The following EBF3 variants were observed in gnomAD, a reference collection of about 807,000 sequenced individuals.
EBF3 encodes the protein transcription factor COE3.
A neutral mutation model predicts 77.1 loss-of-function variants in EBF3; 18 were observed. That is an observed-to-expected ratio of 0.23 (90% CI 0.16 to 0.35). The LOEUF (loss-of-function observed/expected upper bound fraction) is 0.35. EBF3 is among the 10% of genes least tolerant of loss of function. The probability of loss-of-function intolerance (pLI) is 1.00; values close to 1 mark genes in which losing one functional copy is unlikely to be tolerated. For synonymous variants in EBF3, 350 were observed against 343.5 expected, an observed-to-expected ratio of 1.02 and a Z score of -0.21; for missense variants, 558 against 860.0, an observed-to-expected ratio of 0.65 and a Z score of 4.39.
At chr10:129,891,961 A>G (rs966301929) in intron 6 of EBF3, among the ~76,000 whole-genome samples, 5 of 152,312 alleles carry the variant, frequency 3.3e-5, no homozygotes, top group African/African-American at 1.2e-4. Context: ...ACCCGTCCCA[A>G]TCTCAAACCT....
chr10:129,854,546 C>T (rs1376071923), intron 10 of EBF3, among the ~76,000 whole-genome samples: 2 of 152,134 alleles, frequency 1.3e-5, no homozygotes, highest in Non-Finnish European at 2.9e-5. Context: ...TGTAATACCC[C>T]GCTTCTTAAG....
At chr10:129,886,647 G>A (rs1853607939) in intron 6 of EBF3, among the ~76,000 whole-genome samples, 3 of 152,234 alleles carry the variant, frequency 2.0e-5, no homozygotes, top group South Asian at 4.2e-4. Context: ...TGGTATGTGG[G>A]AATTTTTTTT....
Position 129,964,212 on chromosome 10 carries a change from G to C in EBF3, c.-444C>G. On this transcript the variant is annotated 5_prime_UTR_variant, in exon 1 of 17. Coordinates refer to ENST00000440978, the MANE Select transcript of EBF3 (RefSeq NM_001375380.1). This position sits in a 1 kb window ranked among gnomAD's most constrained non-coding sequence, Gnocchi z 4.5. ...CCGGGCGCAGGCGGGGCGCGGCGGG[G>C]CCTGGAGCGGCGCGCGCAGCGGACG... is the stretch of plus-strand genomic sequence containing the variant. 1.0e-6 allele frequency: 1 copy of C among 985,024 alleles called. No homozygotes were observed. The highest frequency in any genetic ancestry group is 1.7e-5 in the African/African-American group (1 of 57,308). 61.0% of individuals were successfully genotyped at this position (985,024 alleles called of 1,614,324 possible). A position where few individuals can be genotyped will look rare whatever the true frequency, so the allele number is the denominator to read the frequency against.
intron 11 of EBF3, among the ~76,000 whole-genome samples, chr10:129,845,137 T>G (rs1850362416): frequency 6.6e-6 from 1 of 152,236 alleles, no homozygotes; most frequent in African/African-American, 2.4e-5. Context: ...CCCGACTTTC[T>G]GAGCTGCTCT....
At chr10:129,911,750 A>G (rs1208379037) in intron 6 of EBF3, among the ~76,000 whole-genome samples, 1 of 152,076 alleles carries the variant, frequency 6.6e-6, no homozygotes, top group African/African-American at 2.4e-5. Flanking sequence ...CATAGTTGAT[A>G]TGGGGGAAAT....
chr10:129,838,954 G>A, intron 16 of EBF3, 129 bp downstream of exon 16: 1 of 880,708 alleles, frequency 1.1e-6, no homozygotes, highest in Non-Finnish European at 1.6e-6. Context: ...CTCACCACCT[G>A]CCTCTGCAAC....
At chr10:129,869,319 C>T (rs1418253304) in intron 8 of EBF3, among the ~76,000 whole-genome samples, 1 of 152,190 alleles carries the variant, frequency 6.6e-6, no homozygotes, top group Non-Finnish European at 1.5e-5. Flanking sequence ...TCACAGCAAC[C>T]TCGAGGGCTA....
At chr10:129,867,711 C>G in intron 9 of EBF3, 71 bp downstream of exon 9, 2 of 1,592,088 alleles carry the variant, frequency 1.3e-6, no homozygotes, top group Non-Finnish European at 1.7e-6. Flanking sequence ...TGTCAATACA[C>G]TATTGACAGC....
chr10:129,959,396 G>A (rs534185471), intron 4 of EBF3, among the ~76,000 whole-genome samples: 1 of 152,150 alleles, frequency 6.6e-6, no homozygotes, highest in East Asian at 1.9e-4. Flanking sequence ...ATTCCGCGCC[G>A]CCGCCAGGCC....
intron 4 of EBF3, among the ~76,000 whole-genome samples, chr10:129,960,991 T>C (rs1859473260): frequency 6.6e-6 from 1 of 152,198 alleles, no homozygotes; most frequent in Non-Finnish European, 1.5e-5. Context: ...GTCAGATCTG[T>C]TTTACTCTAA....
rs932920144 is a variant in EBF3 at position 129,835,859 on chromosome 10, A to C, written c.*2084T>G. 5.2e-5 allele frequency: 8 copies of C among 152,458 alleles called. No individual in the cohort carries two copies. The highest frequency in any genetic ancestry group is 3.4e-3 in the Middle Eastern group (1 of 294). 9.4% of individuals were successfully genotyped at this position (152,458 alleles called of 1,614,324 possible). A position where few individuals can be genotyped will look rare whatever the true frequency, so the allele number is the denominator to read the frequency against. ...GTGCAAAGGAGAAAGAAAAAAAAAA[A>C]AACACCTGACACTTTTGGTCTCACT... is the stretch of plus-strand genomic sequence containing the variant. On this transcript the variant is annotated 3_prime_UTR_variant, in exon 17 of 17. Coordinates refer to ENST00000440978, the MANE Select transcript of EBF3 (RefSeq NM_001375380.1).
chr10:129,928,312 A>G (rs1281345604), intron 6 of EBF3, among the ~76,000 whole-genome samples: 1 of 152,244 alleles, frequency 6.6e-6, no homozygotes, highest in Non-Finnish European at 1.5e-5. Flanking sequence ...CGCCAGCCAG[A>G]GCTAACCACA....
At chr10:129,852,914 C>T (rs751715151) in intron 10 of EBF3, among the ~76,000 whole-genome samples, 10 of 152,180 alleles carry the variant, frequency 6.6e-5, no homozygotes, top group African/African-American at 1.2e-4. Flanking sequence ...GAGCAGCAGC[C>T]GAGAGCAGAG....
At chr10:129,860,220 C>T (rs1015778172) in intron 10 of EBF3, among the ~76,000 whole-genome samples, 3 of 152,066 alleles carry the variant, frequency 2.0e-5, no homozygotes, top group South Asian at 2.1e-4. Flanking sequence ...CTCAAAAGTC[C>T]GGAGTGTGAT....
intron 6 of EBF3, among the ~76,000 whole-genome samples, chr10:129,919,998 A>ACAAACCCGCCCCGC (rs1856161710): frequency 6.8e-6 from 1 of 146,404 alleles, no homozygotes; most frequent in Non-Finnish European, 1.5e-5. Context: ...CAGGAGGGCC[A>ACAAACCCGCCCCGC]TAAACCCGCC....
rs371947507 is a variant in EBF3, at chr10:129,946,461, CG to C, written c.554+10796del. On this transcript the variant is annotated intron_variant, in intron 6 of 16. Transcript: ENST00000440978. The stretch of plus-strand genomic sequence containing the variant: ...TAAATATGCTGCTGACCGCAGGACT[CG>C]GAGCAGCCAAATAACATTTTTCCTT... 3.2e-3 allele frequency among the ~76,000 whole-genome samples: 491 copies of C among 152,266 alleles called. 2 individuals are homozygous for C. The highest frequency in any genetic ancestry group is 0.011 in the African/African-American group (465 of 41,568).
At chr10:129,955,393 C>A (rs1432304463) in intron 6 of EBF3, among the ~76,000 whole-genome samples, 8 of 152,176 alleles carry the variant, frequency 5.3e-5, no homozygotes, top group Non-Finnish European at 1.2e-4. Context: ...TTCAAATAAA[C>A]ATGGTAAACC....
rs181938573 is a variant in EBF3, at chr10:129,897,832, C to T, written c.555-19983G>A. Among the ~76,000 whole-genome samples, 2 of 152,170 alleles carry T rather than the reference C, an allele frequency of 1.3e-5. No individual in the cohort carries two copies. Among genetic ancestry groups the T allele is most frequent in the East Asian group, 1.9e-4 (1 of 5,200 alleles). ...CACTTGTGGGTATGCGAGTACATGG[C>T]GGCCAGAGGCAGATATCATTGAACT... On this transcript the variant is annotated intron_variant, in intron 6 of 16. Coordinates refer to ENST00000440978, the MANE Select transcript of EBF3 (RefSeq NM_001375380.1). This position sits in a 1 kb window ranked among gnomAD's most constrained non-coding sequence, Gnocchi z 4.6.
rs114267164 is a variant in EBF3, at chr10:129,843,880, C to T, written c.1129-678G>A. Among the ~76,000 whole-genome samples the T allele has an allele frequency of 2.8e-3, 419 of 152,348 alleles. 1 individual carries two copies. The highest frequency in any genetic ancestry group is 9.7e-3 in the African/African-American group (404 of 41,582). On this transcript the variant is annotated intron_variant, in intron 11 of 16. Coordinates refer to ENST00000440978, the MANE Select transcript of EBF3 (RefSeq NM_001375380.1). The stretch of plus-strand genomic sequence containing the variant: ...AGAGTGTGCGCGCTGTGCCTGGGGG[C>T]TTGGATGCACCGAGTTTTGTCTTAT...
Sources: gnomAD v4.1 joint callset for allele counts (sites outside exome capture counted in the v4.1 genomes callset) on GRCh38, gnomAD v4.1.1 for gene constraint, Gnocchi (gnomAD v3.1) non-coding constraint, MANE v1.5 for transcripts, NCBI Gene and HGNC (gene_info 2026-07-23, HGNC 2026-07-21) for gene names.